Variants in LEFTY2 observed in about 807,000 individuals in gnomAD.
LEFTY2 encodes left-right determination factor 2.
Under a neutral mutation model 26.4 loss-of-function variants are expected in LEFTY2, and 10 were observed. That is an observed-to-expected ratio of 0.38 (90% CI 0.23 to 0.64). LEFTY2 has a LOEUF of 0.64. LEFTY2 is among the 30% of genes least tolerant of loss of function. The probability of loss-of-function intolerance (pLI) is 0.56; values close to 1 mark genes in which losing one functional copy is unlikely to be tolerated. For synonymous variants in LEFTY2, 204 were observed against 234.1 expected, an observed-to-expected ratio of 0.87 and a Z score of 1.17; for missense variants, 407 against 502.1, an observed-to-expected ratio of 0.81 and a Z score of 1.81.
Position 225,939,245 on chromosome 1 carries a change from G to A in LEFTY2, c.737+116C>T. Reference sequence around the variant, plus strand: ...CTGGCATCCTGGGACAGTCTGCACCGCGCTCTCCCTACCCCTAGCCCACCG... The same window carrying A: ...CTGGCATCCTGGGACAGTCTGCACCACGCTCTCCCTACCCCTAGCCCACCG... On this transcript the variant is annotated intron_variant, in intron 3 of 3. Coordinates refer to ENST00000366820, the MANE Select transcript of LEFTY2 (RefSeq NM_003240.5). This position sits in a 1 kb window ranked among gnomAD's most constrained non-coding sequence, Gnocchi z 4.1. 2 of 1,495,970 alleles carry A rather than the reference G, an allele frequency of 1.3e-6. No individual in the cohort carries two copies. Among genetic ancestry groups the A allele is most frequent in the East Asian group, 2.4e-5 (1 of 41,068 alleles). 92.7% of individuals were successfully genotyped at this position (1,495,970 alleles called of 1,614,324 possible).
Position 225,939,778 on chromosome 1 carries a change from G to T in LEFTY2, c.475C>A (p.Arg159Ser), listed in dbSNP as rs748929616. Reference sequence around the variant, plus strand: ...CACCTGGAGTCGATGAGGGAGGTGCGGTTGGAGCCGTCGTCGCGGACGCGC... The same window carrying T: ...CACCTGGAGTCGATGAGGGAGGTGCTGTTGGAGCCGTCGTCGCGGACGCGC... Reference protein sequence around the residue: ...WLRVRDDGSNRTSLIDSRLVS... With the variant: ...WLRVRDDGSNSTSLIDSRLVS... The change falls in exon 2 of 4, where the codon CGC becomes AGC. Residue 159 changes from arginine to serine, a missense_variant. Coordinates refer to ENST00000366820, the MANE Select transcript of LEFTY2 (RefSeq NM_003240.5). This position sits in a 1 kb window ranked among gnomAD's most constrained non-coding sequence, Gnocchi z 4.1. 46 of 1,584,252 alleles carry T rather than the reference G, an allele frequency of 2.9e-5. No individual in the cohort carries two copies. The highest frequency in any genetic ancestry group is 3.6e-5 in the Non-Finnish European group (42 of 1,168,920).
At chr1:225,940,376 G>C (rs1435914805) in intron 1 of LEFTY2, among the ~76,000 whole-genome samples, 1 of 152,218 alleles carries the variant, frequency 6.6e-6, no homozygotes, top group Non-Finnish European at 1.5e-5. Context: ...GTCTACTTAG[G>C]TATTTTTCAG....
At position 225,936,959 on chromosome 1, in the gene LEFTY2, C is replaced by T. The variant is rs142150655; in HGVS notation, c.*482G>A. On this transcript the variant is annotated 3_prime_UTR_variant, in exon 4 of 4. Coordinates refer to ENST00000366820, the MANE Select transcript of LEFTY2 (RefSeq NM_003240.5). ...CCACTGCCCCCAGCCTGAAGCCCTT[C>T]ATCCTTCCTCTTAGCACCCTCTCAG... The T allele has an allele frequency of 4.3e-4, 75 of 175,950 alleles. No individual in the cohort carries two copies. The highest frequency in any genetic ancestry group is 1.7e-3 in the African/African-American group (72 of 41,902). 10.9% of individuals were successfully genotyped at this position (175,950 alleles called of 1,614,324 possible).
rs763209209 is a variant in LEFTY2 at position 225,939,734 on chromosome 1, T to A, written c.497+22A>T. 11 of 1,602,638 alleles carry A rather than the reference T, an allele frequency of 6.9e-6. No homozygotes were observed. Among genetic ancestry groups the A allele is most frequent in the Admixed American group, 3.4e-5 (2 of 58,544 alleles). The stretch of plus-strand genomic sequence containing the variant: ...GCCGAGCAGCCTCCTACTCCTGCCC[T>A]GCGCGCCCGCGCGACCCCCACCTGG... On this transcript the variant is annotated intron_variant, in intron 2 of 3. Coordinates refer to ENST00000366820, the MANE Select transcript of LEFTY2 (RefSeq NM_003240.5). The surrounding 1 kb of genome is among the most constrained non-coding windows in gnomAD (Gnocchi z 4.1).
chr1:225,939,686 C>CTGCG lies in LEFTY2; in HGVS notation c.497+66_497+69dup, dbSNP rs1403321151. On this transcript the variant is annotated intron_variant, in intron 2 of 3. Coordinates refer to ENST00000366820, the MANE Select transcript of LEFTY2 (RefSeq NM_003240.5). This position sits in a 1 kb window ranked among gnomAD's most constrained non-coding sequence, Gnocchi z 4.1. The stretch of plus-strand genomic sequence containing the variant: ...GGCCCCGAGGACCCTGCACCGCCCC[C>CTGCG]TGCGTCCCCGCCCCCAAGCCGGGCC... 3.7e-6 allele frequency: 6 copies of CTGCG among 1,609,686 alleles called. No individual in the cohort carries two copies. The East Asian group carries it at 1.3e-4, about 36-fold the overall frequency.
At position 225,939,994 on chromosome 1, in the gene LEFTY2, C is replaced by T. The variant is rs758041150; in HGVS notation, c.259G>A (p.Gly87Ser). 1.9e-6 allele frequency: 3 copies of T among 1,595,808 alleles called. No homozygotes were observed. The East Asian group carries it at 6.7e-5, about 36-fold the overall frequency. ...CTGGCCTCCGACGCCAGGAACCTGC[C>T]GGCCACCTCTGGGGACAAGAGCAGG... ...RFSQSFREVA[G>S]RFLASEASTH... Residue 87 changes from glycine (G) to serine (S), a missense_variant, in exon 2 of 4, where the codon GGC (glycine) becomes AGC (serine). Gly to Ser is a moderately conservative substitution (Grantham distance 56). Transcript: ENST00000366820. The surrounding 1 kb of genome is among the most constrained non-coding windows in gnomAD (Gnocchi z 4.1).
At chr1:225,940,644 C>T (rs185998523) in intron 1 of LEFTY2, among the ~76,000 whole-genome samples, 173 of 152,122 alleles carry the variant, frequency 1.1e-3, no homozygotes, top group African/African-American at 3.8e-3. Flanking sequence ...CTCCCCTTCT[C>T]TGAAGTCTTG....
intron 3 of LEFTY2, among the ~76,000 whole-genome samples, chr1:225,938,599 T>G (rs1172182377): frequency 1.3e-5 from 2 of 152,088 alleles, no homozygotes; most frequent in African/African-American, 4.8e-5. Context: ...GGTGACCCGC[T>G]GGCCTCCACT....
At chr1:225,938,568 G>C (rs1672214036) in intron 3 of LEFTY2, among the ~76,000 whole-genome samples, 1 of 151,848 alleles carries the variant, frequency 6.6e-6, no homozygotes, top group African/African-American at 2.4e-5. Context: ...TGGCCAGGCT[G>C]GTCTGGAATT....
chr1:225,937,578 C>A lies in LEFTY2; in HGVS notation c.964G>T (p.Ala322Ser). The A allele has an allele frequency of 6.2e-7, 1 of 1,614,088 alleles. No individual in the cohort carries two copies. Among genetic ancestry groups the A allele is most frequent in the Non-Finnish European group, 8.5e-7 (1 of 1,180,044 alleles). The change falls in exon 4 of 4, where the codon GCC becomes TCC. Residue 322 changes from alanine (A) to serine (S), a missense_variant. Transcript: ENST00000366820. ...ATGCTGACGATCATGGGCAGCGAGGCAGTCTCCGAGGCGATACACTGTCGC... is the reference window on the plus strand; with the variant it reads ...ATGCTGACGATCATGGGCAGCGAGGAAGTCTCCGAGGCGATACACTGTCGC... ...GPRQCIASETASLPMIVSIKE... is the reference protein window; with the variant it reads ...GPRQCIASETSSLPMIVSIKE...
Position 225,939,363 on chromosome 1 carries a change from A to T in LEFTY2, c.735T>A (p.Tyr245Ter). 1.2e-6 allele frequency: 2 copies of T among 1,613,638 alleles called. No homozygotes were observed. ...CTTCTGCCCAGTCCTGCACCTACCC[A>T]TAGTCCCTGAGGTCCAGGGTGTGCA... ...LELHTLDLRD[Y>*]GAQGDCDPEA... The change falls in exon 3 of 4, where the codon TAT (tyrosine) becomes TAA (stop). Residue 245 changes from tyrosine (Y) to a stop codon, truncating the protein, a stop_gained and splice_region_variant. Transcript: ENST00000366820. LOFTEE classifies it low-confidence loss of function (END_TRUNC). This position sits in a 1 kb window ranked among gnomAD's most constrained non-coding sequence, Gnocchi z 4.1.
rs951676207 is a variant in LEFTY2 at position 225,939,881 on chromosome 1, C to A, written c.372G>T (p.Pro124=). The A allele has an allele frequency of 6.5e-7, 1 of 1,549,108 alleles. No individual in the cohort carries two copies. The highest frequency in any genetic ancestry group is 1.9e-5 in the Admixed American group (1 of 52,026). Residue 124 remains proline, a synonymous_variant, in exon 2 of 4, where the codon CCG becomes CCT. Transcript: ENST00000366820. This position sits in a 1 kb window ranked among gnomAD's most constrained non-coding sequence, Gnocchi z 4.1. Reference sequence around the variant, plus strand: ...GCCTGTGCAGCGCGGCCTTGGGGACCGGCTCCTGGAAGAGCCGCAGCACGG... The same window carrying A: ...GCCTGTGCAGCGCGGCCTTGGGGACAGGCTCCTGGAAGAGCCGCAGCACGG... ...VQAVLRLFQE[P]VPKAALHRHG... is the part of the protein sequence containing the mutation.
In LEFTY2 at chr1:225,940,920, C is replaced by T. The variant is rs773961866; in HGVS notation, c.221G>A (p.Arg74His). 1.2e-5 allele frequency: 19 copies of T among 1,613,416 alleles called. No individual in the cohort carries two copies. The highest frequency in any genetic ancestry group is 8.0e-5 in the African/African-American group (6 of 74,898). ...GAAGCTCTGGCTGAACCTCTTTCCG[C>T]GGGAGCGGTCCCCGTGGCTGCGCCG... is the stretch of plus-strand genomic sequence containing the variant. The part of the protein sequence containing the change: ...LLRRSHGDRS[R>H]GKRFSQSFRE... The change falls in exon 1 of 4, where the codon CGC becomes CAC. Residue 74 changes from arginine (R) to histidine (H), a missense_variant. Transcript: ENST00000366820.
At position 225,937,571 on chromosome 1, in the gene LEFTY2, A is replaced by C. The variant is rs765106644; in HGVS notation, c.971T>G (p.Leu324Arg). The C allele has an allele frequency of 6.2e-7, 1 of 1,614,082 alleles. No homozygotes were observed. Among genetic ancestry groups the C allele is most frequent in the Non-Finnish European group, 8.5e-7 (1 of 1,180,032 alleles). The part of the protein sequence containing the change: ...RQCIASETAS[L>R]PMIVSIKEGG... ...CTCCTTGATGCTGACGATCATGGGC[A>C]GCGAGGCAGTCTCCGAGGCGATACA... The change falls in exon 4 of 4, where the codon CTG becomes CGG. Residue 324 changes from leucine (L) to arginine (R), a missense_variant. Leu to Arg is a moderately radical substitution (Grantham distance 102). Coordinates refer to ENST00000366820, the MANE Select transcript of LEFTY2 (RefSeq NM_003240.5).
At chr1:225,938,429 A>G (rs1468054702) in intron 3 of LEFTY2, among the ~76,000 whole-genome samples, 1 of 152,266 alleles carries the variant, frequency 6.6e-6, no homozygotes, top group African/African-American at 2.4e-5. Context: ...AGATTGTCAA[A>G]GATATTTTTA....
rs1672182317 is a variant in LEFTY2, at chr1:225,937,534, G to T, written c.1008C>A (p.Thr336=). The change falls in exon 4 of 4, where the codon ACC becomes ACA. Residue 336 remains threonine (T), a synonymous_variant. Coordinates refer to ENST00000366820, the MANE Select transcript of LEFTY2 (RefSeq NM_003240.5). ...TGGGCAGGCTGACCACCTGGGGCCT[G>T]GTCCTGCCTCCCTCCTTGATGCTGA... is the stretch of plus-strand genomic sequence containing the variant. ...MIVSIKEGGR[T]RPQVVSLPNM... 6.2e-7 allele frequency: 1 copy of T among 1,613,892 alleles called. No individual in the cohort carries two copies. Among genetic ancestry groups the T allele is most frequent in the South Asian group, 1.1e-5 (1 of 91,084 alleles).
In LEFTY2 at chr1:225,939,543, G is replaced by A; in HGVS notation, c.555C>T (p.Asn185=). The A allele has an allele frequency of 4.3e-6, 7 of 1,611,900 alleles. No homozygotes were observed. The highest frequency in any genetic ancestry group is 5.9e-6 in the Non-Finnish European group (7 of 1,179,772). ...GGGGCCGGCTCAGCTGCTGCCAGAA[G>A]TTCACGGCCTCGGTCACGTCGAAGG... The part of the protein sequence containing the change: ...WKAFDVTEAV[N]FWQQLSRPRQ... The change falls in exon 3 of 4, where the codon AAC becomes AAT. Residue 185 remains asparagine (N), a synonymous_variant. Transcript: ENST00000366820. This position sits in a 1 kb window ranked among gnomAD's most constrained non-coding sequence, Gnocchi z 4.1.
intron 3 of LEFTY2, 143 bp from the exon 4 acceptor site, chr1:225,937,947 A>G: frequency 2.7e-6 from 3 of 1,111,756 alleles, no homozygotes; most frequent in Non-Finnish European, 3.8e-6. Flanking sequence ...TTGTGAGAAG[A>G]TGAATAAACA....
Position 225,939,378 on chromosome 1 carries a change from C to T in LEFTY2, c.720G>A (p.Leu240=). The T allele has an allele frequency of 6.2e-7, 1 of 1,613,716 alleles. No homozygotes were observed. The highest frequency in any genetic ancestry group is 8.5e-7 in the Non-Finnish European group (1 of 1,179,888). ...LGEPQLELHT[L]DLRDYGAQGD... ...GCACCTACCCATAGTCCCTGAGGTC[C>T]AGGGTGTGCAGCTCCAGCTGGGGCT... Residue 240 remains leucine, a synonymous_variant, in exon 3 of 4, where the codon CTG becomes CTA. Transcript: ENST00000366820. The surrounding 1 kb of genome is among the most constrained non-coding windows in gnomAD (Gnocchi z 4.1).
Sources: gnomAD v4.1 joint callset for allele counts (sites outside exome capture counted in the v4.1 genomes callset) on GRCh38, gnomAD v4.1.1 for gene constraint, Gnocchi (gnomAD v3.1) non-coding constraint, MANE v1.5 for transcripts, NCBI Gene and HGNC (gene_info 2026-07-23, HGNC 2026-07-21) for gene names.